The following SBNO1 variants were observed in gnomAD, a reference collection of about 807,000 sequenced individuals.
The protein encoded by SBNO1 is strawberry notch homolog 1, also known as protein strawberry notch homolog 1.
A neutral mutation model predicts 173.6 loss-of-function variants in SBNO1; 23 were observed. The ratio of observed to expected loss-of-function variants is 0.13; its 90% confidence interval spans 0.10 to 0.19. SBNO1 has a LOEUF of 0.19. Ranked by LOEUF, SBNO1 falls within the 10% of genes least tolerant of loss-of-function variation. SBNO1 has a pLI of 1.00. For synonymous variants in SBNO1, 632 were observed against 571.5 expected, an observed-to-expected ratio of 1.11 and a Z score of -1.51; for missense variants, 1,238 against 1,671.2, an observed-to-expected ratio of 0.74 and a Z score of 4.52.
At chr12:123,349,085 T>C (rs2139070232) in intron 2 of SBNO1, 1 of 151,126 alleles carries the variant, frequency 6.6e-6, no homozygotes, top group East Asian at 2.0e-4. Flanking sequence ...TAAACAACAC[T>C]GCACTCGGAC....
intron 1 of SBNO1, among the ~76,000 whole-genome samples, chr12:123,361,197 T>C (rs1566059783): frequency 6.6e-6 from 1 of 151,482 alleles, no homozygotes; most frequent in African/African-American, 2.4e-5. Flanking sequence ...TGAGCAGAGA[T>C]CACACCACTG....
intron 31 of SBNO1, among the ~76,000 whole-genome samples, chr12:123,296,461 G>A (rs1399585577): frequency 7.0e-6 from 1 of 143,446 alleles, no homozygotes; most frequent in Non-Finnish European, 1.5e-5. Flanking sequence ...AACTGGAAAG[G>A]ATACTCTCTG....
chr12:123,327,174 T>A (rs1245160461), intron 13 of SBNO1, among the ~76,000 whole-genome samples: 1 of 151,764 alleles, frequency 6.6e-6, no homozygotes, highest in Admixed American at 6.6e-5. Flanking sequence ...GCCCAGCTAA[T>A]TTTTTTTCGT....
At chr12:123,299,681 CAAAAAAAA>C (rs538218167) in intron 30 of SBNO1, among the ~76,000 whole-genome samples, 1 of 93,894 alleles carries the variant, frequency 1.1e-5, no homozygotes, top group East Asian at 3.9e-4. Flanking sequence ...ACTCTGTCTT[CAAAAAAAA>C]AAAAAAAAAA....
intron 5 of SBNO1, among the ~76,000 whole-genome samples, chr12:123,338,036 C>T (rs1438018199): frequency 6.6e-6 from 1 of 152,072 alleles, no homozygotes; most frequent in East Asian, 1.9e-4. Context: ...AAATTTAGGT[C>T]AAAGAGATAA....
chr12:123,307,123 A>G (rs1437727544), intron 28 of SBNO1, among the ~76,000 whole-genome samples: 2 of 151,458 alleles, frequency 1.3e-5, no homozygotes, highest in African/African-American at 4.8e-5. Context: ...CAGGAGGTTG[A>G]AGCTGCAGTG....
At chr12:123,329,995 T>G (rs1365794051) in intron 9 of SBNO1, among the ~76,000 whole-genome samples, 5 of 152,356 alleles carry the variant, frequency 3.3e-5, no homozygotes, top group Admixed American at 3.3e-4. Flanking sequence ...GTACAAATAC[T>G]GAAACCAGTC....
Position 123,327,883 on chromosome 12 carries a change from A to C in SBNO1, c.1432+9T>G. 1.2e-6 allele frequency: 2 copies of C among 1,600,088 alleles called. No homozygotes were observed. Among genetic ancestry groups the C allele is most frequent in the Non-Finnish European group, 1.7e-6 (2 of 1,171,964 alleles). On this transcript the variant is annotated intron_variant, in intron 11 of 31. Coordinates refer to ENST00000602398, the MANE Select transcript of SBNO1 (RefSeq NM_001167856.3). Reference sequence around the variant, plus strand: ...TACAATATATATTTTTAAATAAATAAATACTCACCAGTTGCACTAGCATAA... The same window carrying C: ...TACAATATATATTTTTAAATAAATACATACTCACCAGTTGCACTAGCATAA...
intron 16 of SBNO1, among the ~76,000 whole-genome samples, chr12:123,322,293 C>G (rs910075972): frequency 2.0e-5 from 3 of 151,744 alleles, no homozygotes; most frequent in Non-Finnish European, 4.4e-5. Context: ...CAACCATGAC[C>G]AGATATTTTT....
Position 123,325,392 on chromosome 12 carries a change from A to T in SBNO1, c.1973+110T>A. ...GAAAACTCAGATCAAGAAAACTTAA[A>T]GATGATGCAGGTGAAACAAAAGTTT... On this transcript the variant is annotated intron_variant, in intron 15 of 31. Transcript: ENST00000602398. 8.5e-6 allele frequency: 6 copies of T among 708,934 alleles called. No individual in the cohort carries two copies. The South Asian group carries it at 1.0e-4, about 12-fold the overall frequency. 43.9% of individuals were successfully genotyped at this position (708,934 alleles called of 1,614,324 possible). A position where few individuals can be genotyped will look rare whatever the true frequency, so the allele number is the denominator to read the frequency against.
In SBNO1 at chr12:123,320,812, T is replaced by C. The variant is rs115691051; in HGVS notation, c.2378A>G (p.Lys793Arg). 3.8e-6 allele frequency: 6 copies of C among 1,599,360 alleles called. No individual in the cohort carries two copies. Among genetic ancestry groups the C allele is most frequent in the Middle Eastern group, 1.9e-4 (1 of 5,162 alleles). ...HKKNKEKKKK[K>R]SIDPDSIQSA... is the part of the protein sequence containing the mutation. ...TTGAATAGAATCTGGATCTATACTT[T>C]TCTTCTTTTTTTTCTCTTTGTTTTT... is the stretch of plus-strand genomic sequence containing the variant. The change falls in exon 18 of 32, where the codon AAA (lysine) becomes AGA (arginine). Residue 793 changes from lysine (K) to arginine (R), a missense_variant. Lys to Arg is a conservative substitution (Grantham distance 26). Coordinates refer to ENST00000602398, the MANE Select transcript of SBNO1 (RefSeq NM_001167856.3).
chr12:123,319,848 T>C (rs895191029), intron 20 of SBNO1, 52 bp downstream of exon 20: 1 of 1,534,596 alleles, frequency 6.5e-7, no homozygotes, highest in African/African-American at 1.4e-5. Context: ...AAGCTTAATC[T>C]AAATATACAG....
chr12:123,331,333 A>G lies in SBNO1; in HGVS notation c.952T>C (p.Leu318=), dbSNP rs1377077425. 4 of 1,614,024 alleles carry G rather than the reference A, an allele frequency of 2.5e-6. No individual in the cohort carries two copies. The highest frequency in any genetic ancestry group is 3.4e-6 in the Non-Finnish European group (4 of 1,179,888). ...CCTACACCGGCACCATCACCTATTAAGAAGCCAGCACGATCTCCATTAGGT... is the reference window on the plus strand; with the variant it reads ...CCTACACCGGCACCATCACCTATTAGGAAGCCAGCACGATCTCCATTAGGT... ...FLPNGDRAGF[L]IGDGAGVGKG... Residue 318 remains leucine, a synonymous_variant, in exon 8 of 32, where the codon TTA becomes CTA. Coordinates refer to ENST00000602398, the MANE Select transcript of SBNO1 (RefSeq NM_001167856.3).
In SBNO1 at chr12:123,362,012, G is replaced by A. The variant is rs546880815; in HGVS notation, c.-1+2689C>T. On this transcript the variant is annotated intron_variant, in intron 1 of 31. Transcript: ENST00000602398. ...AAATTAGCCGGGCATGGTGGCACGCGCCTGTAGTCCCAGCTATTTGGGAGG... is the reference window on the plus strand; with the variant it reads ...AAATTAGCCGGGCATGGTGGCACGCACCTGTAGTCCCAGCTATTTGGGAGG... Among the ~76,000 whole-genome samples, 148 of 151,492 alleles carry A rather than the reference G, an allele frequency of 9.8e-4. 1 individual carries two copies. The highest frequency in any genetic ancestry group is 3.5e-3 in the African/African-American group (144 of 41,256).
chr12:123,327,677 G>C, intron 12 of SBNO1, 30 bp downstream of exon 12: 1 of 1,583,448 alleles, frequency 6.3e-7, no homozygotes, highest in Non-Finnish European at 8.7e-7. Flanking sequence ...GATTGCTACT[G>C]AGAAGAGTAT....
intron 1 of SBNO1, chr12:123,363,896 G>A (rs1052978268): frequency 9.1e-6 from 9 of 985,358 alleles, no homozygotes; most frequent in South Asian, 9.4e-5. Context: ...AAGGGTTTAG[G>A]AACATCCAAA....
intron 28 of SBNO1, 94 bp downstream of exon 28, chr12:123,309,216 A>C: frequency 1.1e-6 from 1 of 892,960 alleles, no homozygotes; most frequent in South Asian, 1.5e-5. Context: ...AGCTAAACAC[A>C]ACTGGGAAAC....
chr12:123,323,508 C>T (rs368207626), intron 16 of SBNO1, among the ~76,000 whole-genome samples, 172 bp downstream of exon 16: 4 of 152,050 alleles, frequency 2.6e-5, no homozygotes, highest in Non-Finnish European at 2.9e-5. Context: ...GTGCCCACCA[C>T]GATGCCCGGC....
At position 123,289,475 on chromosome 12, in the gene SBNO1, AC is replaced by A. The variant is rs2048480041; in HGVS notation, c.*6432del. ...ATTTAAAAAAGAGAACCAAATGAAA[AC>A]ACACCAAGAGCTGACATCCACCTTT... On this transcript the variant is annotated 3_prime_UTR_variant, in exon 32 of 32. Coordinates refer to ENST00000602398, the MANE Select transcript of SBNO1 (RefSeq NM_001167856.3). 6.6e-6 allele frequency: 1 copy of A among 152,214 alleles called. No individual in the cohort carries two copies. Among genetic ancestry groups the A allele is most frequent in the Non-Finnish European group, 1.5e-5 (1 of 68,056 alleles). 9.4% of individuals were successfully genotyped at this position (152,214 alleles called of 1,614,324 possible).
Sources: allele counts gnomAD v4.1 joint callset (sites outside exome capture counted in the v4.1 genomes callset), GRCh38; gene constraint gnomAD v4.1.1; transcripts MANE v1.5; gene names NCBI Gene and HGNC (gene_info 2026-07-23, HGNC 2026-07-21).